Variants in CTNNA2 observed in about 807,000 individuals in gnomAD.
CTNNA2 encodes the protein catenin alpha-2.
A neutral mutation model predicts 101.0 loss-of-function variants in CTNNA2; 42 were observed. The observed-to-expected ratio is 0.42, with a 90% CI of 0.32 to 0.54. CTNNA2 has a LOEUF of 0.54. Ranked by LOEUF, CTNNA2 falls within the 20% of genes least tolerant of loss-of-function variation. CTNNA2 has a pLI of 0.14. For missense variants in CTNNA2, 871 were observed against 1,223.1 expected, an observed-to-expected ratio of 0.71 and a Z score of 4.29; for synonymous variants, 450 against 456.4, an observed-to-expected ratio of 0.99 and a Z score of 0.18.
chr2:80,077,109 A>C (rs376192316), intron 7 of CTNNA2, among the ~76,000 whole-genome samples: 9 of 152,182 alleles, frequency 5.9e-5, no homozygotes, highest in African/African-American at 1.9e-4. Flanking sequence ...AAGCTTGATA[A>C]TGCCAAGTAC....
chr2:79,338,155 A>G (rs1232136096), intron 3 of CTNNA2, among the ~76,000 whole-genome samples: 1 of 150,588 alleles, frequency 6.6e-6, no homozygotes, highest in East Asian at 2.0e-4. Flanking sequence ...CTGAGGCAGG[A>G]GAATCGCTTG....
intron 12 of CTNNA2, among the ~76,000 whole-genome samples, chr2:80,562,741 T>G (rs1448450710): frequency 2.0e-5 from 3 of 152,170 alleles, no homozygotes; most frequent in African/African-American, 7.2e-5. Context: ...TGGAGTAGTA[T>G]GCAGCTATAA....
intron 2 of CTNNA2, among the ~76,000 whole-genome samples, chr2:79,252,919 C>T (rs1674792014): frequency 6.6e-6 from 1 of 151,954 alleles, no homozygotes; most frequent in Non-Finnish European, 1.5e-5. Context: ...AGGCTTAATA[C>T]CAATTCCTAG....
chr2:79,231,961 T>C (rs1296361485), intron 2 of CTNNA2, among the ~76,000 whole-genome samples: 52 of 152,166 alleles, frequency 3.4e-4, no homozygotes, highest in Non-Finnish European at 1.5e-5. Context: ...CTTTGGGTGG[T>C]ATCTTTGGAG....
chr2:80,079,894 A>T (rs1344040011), intron 7 of CTNNA2, among the ~76,000 whole-genome samples: 3 of 146,854 alleles, frequency 2.0e-5, no homozygotes, highest in African/African-American at 5.2e-5. Flanking sequence ...ATAAAATAAA[A>T]TAAATAAAAT....
intron 7 of CTNNA2, among the ~76,000 whole-genome samples, chr2:80,337,860 C>T (rs555006674): frequency 1.3e-5 from 2 of 152,254 alleles, no homozygotes; most frequent in South Asian, 2.1e-4. Flanking sequence ...GCGAATTGAC[C>T]CCACCATGGG....
At chr2:80,005,052 G>A (rs934236417) in intron 7 of CTNNA2, among the ~76,000 whole-genome samples, 1 of 152,124 alleles carries the variant, frequency 6.6e-6, no homozygotes, top group Admixed American at 6.5e-5. Flanking sequence ...TTTATTAAAA[G>A]GTCTTGCCCA....
At chr2:79,434,269 G>C (rs1268027481) in intron 4 of CTNNA2, among the ~76,000 whole-genome samples, 1 of 140,662 alleles carries the variant, frequency 7.1e-6, no homozygotes, top group Non-Finnish European at 1.5e-5. Context: ...CTACACTCCA[G>C]CCTGGGAAAC....
chr2:79,599,393 A>C (rs116595374), intron 1 of CTNNA2, among the ~76,000 whole-genome samples: 3,325 of 152,262 alleles, frequency 0.022, 125 homozygotes, highest in African/African-American at 0.073. Context: ...TTCTCTATGG[A>C]TATTATACCA....
chr2:79,299,093 A>T (rs890717893), intron 2 of CTNNA2, among the ~76,000 whole-genome samples: 1 of 152,158 alleles, frequency 6.6e-6, no homozygotes, highest in Non-Finnish European at 1.5e-5. Context: ...CCAAGCTTCA[A>T]CTCATAGGTT....
intron 3 of CTNNA2, among the ~76,000 whole-genome samples, chr2:79,836,188 A>G (rs1331981493): frequency 1.3e-5 from 2 of 152,232 alleles, no homozygotes; most frequent in East Asian, 3.9e-4. Context: ...CTCACCACAC[A>G]GGGAGGCTGC....
chr2:80,373,151 A>T (rs755003443), intron 7 of CTNNA2, among the ~76,000 whole-genome samples: 2 of 140,184 alleles, frequency 1.4e-5, no homozygotes, highest in African/African-American at 4.9e-5. Flanking sequence ...TGATCATTCT[A>T]TGAGTCTCAG....
intron 7 of CTNNA2, among the ~76,000 whole-genome samples, chr2:80,075,665 C>A (rs1296616025): frequency 9.7e-6 from 1 of 103,500 alleles, no homozygotes; most frequent in Non-Finnish European, 1.8e-5. Flanking sequence ...AATATTTATA[C>A]ATGTATAAAT....
rs1282615913 is a variant in CTNNA2 at position 79,241,227 on chromosome 2, A to T, written c.-406+43151A>T. ...TGTTCAGCTTTTTATAAACAAGTGC[A>T]TTTTTTTCACAATAGTCCTGAAACA... is the stretch of plus-strand genomic sequence containing the variant. On this transcript the variant is annotated intron_variant, in intron 2 of 21. Transcript: ENST00000466387. 2.0e-5 allele frequency among the ~76,000 whole-genome samples: 3 copies of T among 152,174 alleles called. No individual in the cohort carries two copies. In the East Asian group the frequency reaches 5.8e-4, roughly 29 times the overall value.
chr2:80,262,682 A>G (rs1476135333), intron 7 of CTNNA2, among the ~76,000 whole-genome samples: 1 of 152,030 alleles, frequency 6.6e-6, no homozygotes, highest in Non-Finnish European at 1.5e-5. Context: ...CTTGTTTGTG[A>G]GGGAGGCCTT....
At chr2:80,176,470 T>A (rs1051419907) in intron 7 of CTNNA2, among the ~76,000 whole-genome samples, 15 of 152,380 alleles carry the variant, frequency 9.8e-5, no homozygotes, top group African/African-American at 3.4e-4. Context: ...ACTGGTCACG[T>A]GTCATAGCTG....
intron 9 of CTNNA2, among the ~76,000 whole-genome samples, chr2:80,423,723 A>G (rs1394793835): frequency 1.3e-5 from 2 of 152,168 alleles, no homozygotes; most frequent in East Asian, 3.9e-4. Context: ...GGGACAGCAG[A>G]GCAGGCAACC....
intron 4 of CTNNA2, among the ~76,000 whole-genome samples, chr2:79,451,613 T>C (rs552617956): frequency 6.6e-6 from 1 of 152,082 alleles, no homozygotes; most frequent in African/African-American, 2.4e-5. Context: ...AGAGCATTAC[T>C]GGGAGAACCA....
intron 7 of CTNNA2, among the ~76,000 whole-genome samples, chr2:79,938,028 A>G (rs1351754791): frequency 6.6e-6 from 1 of 152,176 alleles, no homozygotes; most frequent in Non-Finnish European, 1.5e-5. Flanking sequence ...TTGGTATGAC[A>G]CCAACTTCCC....
Sources: gnomAD v4.1 joint callset for allele counts (sites outside exome capture counted in the v4.1 genomes callset) on GRCh38, gnomAD v4.1.1 for gene constraint, MANE v1.5 for transcripts, NCBI Gene and HGNC (gene_info 2026-07-23, HGNC 2026-07-21) for gene names.